The following ERAP1 variants were observed in gnomAD, a reference collection of about 807,000 sequenced individuals.
ERAP1 encodes adipocyte-derived leucine aminopeptidase.
ERAP1 carries 86 observed loss-of-function variants against 103.7 expected under a neutral mutation model. The ratio of observed to expected loss-of-function variants is 0.83; its 90% confidence interval spans 0.70 to 0.99. The LOEUF (loss-of-function observed/expected upper bound fraction) is 0.99. Among genes scored for constraint, ERAP1 ranks in the 50% least tolerant of loss-of-function variants. ERAP1 has a pLI of 0.00. For synonymous variants in ERAP1, 398 were observed against 402.4 expected (o/e 0.99, Z 0.13); for missense variants, 1,009 against 1,128.4 (o/e 0.89, Z 1.52).
downstream of ERAP1, among the ~76,000 whole-genome samples, chr5:96,771,017 A>T (rs1772109511): frequency 6.6e-6 from 1 of 152,160 alleles, no homozygotes; most frequent in African/African-American, 2.4e-5. Context: ...ATATGATTTA[A>T]ATGATTATTA....
chr5:96,873,993 T>C, the ERAP1 span, among the ~76,000 whole-genome samples: 1 of 151,284 alleles, frequency 6.6e-6, no homozygotes, highest in Non-Finnish European at 1.5e-5. Context: ...AGGGTCTCTC[T>C]GAGTAAGAGA....
the ERAP1 span, chr5:96,883,794 T>C: frequency 6.2e-7 from 1 of 1,610,524 alleles, no homozygotes; most frequent in Non-Finnish European, 8.5e-7. Context: ...TTTCACAGAA[T>C]TCTTGCAGTA....
chr5:96,841,747 C>CTTTTTTTTTTTTTTTTTTT, the ERAP1 span, among the ~76,000 whole-genome samples: 1 of 108,544 alleles, frequency 9.2e-6, no homozygotes, highest in African/African-American at 3.5e-5. Flanking sequence ...TCTTCTTCTT[C>CTTTTTTTTTTTTTTTTTTT]TTTTTTTTTT....
At chr5:96,788,324 C>G (rs1012707242) in intron 11 of ERAP1, among the ~76,000 whole-genome samples, 1 of 152,038 alleles carries the variant, frequency 6.6e-6, no homozygotes, top group Admixed American at 6.6e-5. Flanking sequence ...ACATCGTCAC[C>G]TTTACTGAGA....
At chr5:96,797,765 G>C (rs937306673) in intron 3 of ERAP1, among the ~76,000 whole-genome samples, 16 of 152,100 alleles carry the variant, frequency 1.1e-4, no homozygotes, top group African/African-American at 3.9e-4. Context: ...TTTTTATTGA[G>C]ATATAATTCA....
intron 1 of ERAP1, chr5:96,806,102 C>A (rs1778564256): frequency 6.6e-6 from 1 of 152,194 alleles, no homozygotes; most frequent in Non-Finnish European, 1.5e-5. Context: ...TTATTAATCC[C>A]AAACTGTAGG....
At chr5:96,917,917 A>AAAG in the ERAP1 span, 1 of 160,208 alleles carries the variant, frequency 6.2e-6, no homozygotes, top group African/African-American at 2.4e-5. Flanking sequence ...AAAAAAAAAA[A>AAAG]AAAAAAAAAA....
the ERAP1 span, among the ~76,000 whole-genome samples, chr5:96,932,488 C>G: frequency 1.3e-5 from 2 of 152,126 alleles, no homozygotes; most frequent in Non-Finnish European, 2.9e-5. Context: ...ATTCCATATT[C>G]TTTTCGTGGA....
At chr5:96,895,393 G>A in the ERAP1 span, 4 of 1,334,498 alleles carry the variant, frequency 3.0e-6, no homozygotes, top group South Asian at 4.9e-5. Flanking sequence ...ATACTATATG[G>A]TGTAAAGAAT....
the ERAP1 span, among the ~76,000 whole-genome samples, chr5:96,922,142 C>T: frequency 8.0e-5 from 12 of 150,650 alleles, no homozygotes; most frequent in Admixed American, 5.9e-4. Context: ...GCTAAAAATA[C>T]AAAAAATTAG....
At chr5:96,827,441 T>C in the ERAP1 span, among the ~76,000 whole-genome samples, 51 of 152,282 alleles carry the variant, frequency 3.3e-4, no homozygotes, top group African/African-American at 1.1e-3. Flanking sequence ...GCAGGTGGAT[T>C]GCCTGAACTC....
At chr5:96,930,419 G>A in the ERAP1 span, among the ~76,000 whole-genome samples, 1 of 152,138 alleles carries the variant, frequency 6.6e-6, no homozygotes, top group Non-Finnish European at 1.5e-5. Context: ...TTTATCCTTT[G>A]ATAAATATTC....
the ERAP1 span, among the ~76,000 whole-genome samples, chr5:96,814,990 A>G: frequency 9.2e-5 from 14 of 152,190 alleles, no homozygotes; most frequent in African/African-American, 3.1e-4. Context: ...CCAAAGTACT[A>G]ACCAGCTCTG....
At chr5:96,802,419 G>A (rs1262137472) in intron 2 of ERAP1, among the ~76,000 whole-genome samples, 1 of 152,004 alleles carries the variant, frequency 6.6e-6, no homozygotes, top group Non-Finnish European at 1.5e-5. Flanking sequence ...CCAGAAAGAA[G>A]TCTGGCAGAA....
the ERAP1 span, chr5:96,880,179 C>A: frequency 1.9e-6 from 3 of 1,614,000 alleles, no homozygotes; most frequent in Non-Finnish European, 2.5e-6. Flanking sequence ...TACTATGTGG[C>A]TATGGACTTC....
At chr5:96,840,692 G>A in the ERAP1 span, among the ~76,000 whole-genome samples, 1 of 147,476 alleles carries the variant, frequency 6.8e-6, no homozygotes, top group African/African-American at 2.5e-5. Context: ...TCAGGCATTG[G>A]ACTTTTTTTT....
the ERAP1 span, among the ~76,000 whole-genome samples, chr5:96,904,179 C>A: frequency 6.6e-6 from 1 of 152,132 alleles, no homozygotes; most frequent in African/African-American, 2.4e-5. Context: ...TGTTTGCATT[C>A]ATTCCTCTCT....
chr5:96,846,264 T>A, the ERAP1 span, among the ~76,000 whole-genome samples: 1 of 152,228 alleles, frequency 6.6e-6, no homozygotes, highest in African/African-American at 2.4e-5. Context: ...CATTGCTTTA[T>A]TTGATGGTAA....
the ERAP1 span, among the ~76,000 whole-genome samples, chr5:96,930,694 C>G: frequency 6.6e-6 from 1 of 152,322 alleles, no homozygotes; most frequent in East Asian, 1.9e-4. Flanking sequence ...TCCTCCCATA[C>G]GAAACAAGGA....
Sources: gnomAD v4.1 joint callset for allele counts (sites outside exome capture counted in the v4.1 genomes callset) on GRCh38, gnomAD v4.1.1 for gene constraint, MANE v1.5 for transcripts, NCBI Gene and HGNC (gene_info 2026-07-23, HGNC 2026-07-21) for gene names.